PANK1: variants seen among roughly 807,000 people sequenced by gnomAD.
PANK1 encodes pantothenic acid kinase 1.
PANK1 carries 18 observed loss-of-function variants against 40.1 expected under a neutral mutation model. The ratio of observed to expected loss-of-function variants is 0.45; its 90% CI spans 0.31 to 0.67. The LOEUF (loss-of-function observed/expected upper bound fraction) is 0.67. Among genes scored for constraint, PANK1 ranks in the 30% least tolerant of loss-of-function variants. The pLI, the probability that PANK1 is intolerant of heterozygous loss-of-function variation, is 0.06. For missense variants in PANK1, 457 were observed against 599.6 expected, an observed-to-expected ratio of 0.76 and a Z score of 2.48; for synonymous variants, 242 against 237.7, an observed-to-expected ratio of 1.02 and a Z score of -0.17.
intron 1 of PANK1, among the ~76,000 whole-genome samples, chr10:89,641,877 G>C (rs1466674444): frequency 1.3e-5 from 2 of 152,176 alleles, no homozygotes; most frequent in Non-Finnish European, 2.9e-5. Context: ...AGAACTGTCA[G>C]CTCTGAAGTG....
intron 1 of PANK1, among the ~76,000 whole-genome samples, chr10:89,632,049 C>T (rs1378638871): frequency 6.7e-6 from 1 of 150,234 alleles, no homozygotes; most frequent in African/African-American, 2.4e-5. Flanking sequence ...CATATGATTT[C>T]TGAGGTCTGC....
At chr10:89,615,539 G>T (rs1259676292) in intron 1 of PANK1, among the ~76,000 whole-genome samples, 1 of 152,144 alleles carries the variant, frequency 6.6e-6, no homozygotes, top group Non-Finnish European at 1.5e-5. Flanking sequence ...TCAGCTAAAT[G>T]TTATATCATT....
intron 1 of PANK1, chr10:89,643,871 T>C (rs1199340794): frequency 1.4e-6 from 2 of 1,460,228 alleles, no homozygotes; most frequent in African/African-American, 1.4e-5. Flanking sequence ...AGCTTTAGAT[T>C]GTGAAATAAT....
At chr10:89,630,531 C>T (rs924769962) in intron 1 of PANK1, among the ~76,000 whole-genome samples, 1 of 149,912 alleles carries the variant, frequency 6.7e-6, no homozygotes. Flanking sequence ...CTCGCTCTGT[C>T]ACCCAGGCTG....
chr10:89,590,185 G>T (rs1424701004), intron 5 of PANK1, among the ~76,000 whole-genome samples: 1 of 151,788 alleles, frequency 6.6e-6, no homozygotes, highest in Non-Finnish European at 1.5e-5. Flanking sequence ...TTTATTCGGG[G>T]AAAAACATCA....
chr10:89,616,767 G>A (rs903123575), intron 1 of PANK1, among the ~76,000 whole-genome samples: 1 of 151,998 alleles, frequency 6.6e-6, no homozygotes, highest in South Asian at 2.1e-4. Flanking sequence ...CTAAAAATAC[G>A]AAAATTGGCC....
intron 5 of PANK1, chr10:89,592,802 A>G (rs763294702): frequency 3.7e-6 from 2 of 535,978 alleles, no homozygotes; most frequent in Non-Finnish European, 7.7e-6. Flanking sequence ...ACAAGGCAAC[A>G]CTGTAAAGAA....
Position 89,645,034 on chromosome 10 carries a change from C to G in PANK1, c.-143G>C. The G allele has an allele frequency of 1.9e-6, 3 of 1,565,716 alleles. No individual in the cohort carries two copies. The highest frequency in any genetic ancestry group is 2.6e-6 in the Non-Finnish European group (3 of 1,160,082). On this transcript the variant is annotated 5_prime_UTR_variant, in exon 1 of 7. Coordinates refer to ENST00000307534, the MANE Select transcript of PANK1 (RefSeq NM_148977.3). ...AGCCGGCGCCTGGGGATGGCGAACCCGGCGCTCCTCCCCTCCTCCTGCCGA... is the reference window on the plus strand; with the variant it reads ...AGCCGGCGCCTGGGGATGGCGAACCGGGCGCTCCTCCCCTCCTCCTGCCGA...
intron 1 of PANK1, among the ~76,000 whole-genome samples, chr10:89,622,009 T>C (rs1845501571): frequency 6.6e-6 from 1 of 152,220 alleles, no homozygotes; most frequent in South Asian, 2.1e-4. Flanking sequence ...CCGCTGCATC[T>C]GGCCCATTTA....
intron 1 of PANK1, among the ~76,000 whole-genome samples, chr10:89,636,143 T>C (rs1431675539): frequency 6.6e-6 from 1 of 152,140 alleles, no homozygotes; most frequent in African/African-American, 2.4e-5. Flanking sequence ...TAGGCTTTAC[T>C]AGGCATTGCT....
At chr10:89,595,355 G>A (rs1289281319) in intron 3 of PANK1, among the ~76,000 whole-genome samples, 1 of 152,142 alleles carries the variant, frequency 6.6e-6, no homozygotes, top group Non-Finnish European at 1.5e-5. Context: ...GAAAACTGAG[G>A]AAGGAGAATT....
chr10:89,635,464 C>A (rs921988059), intron 1 of PANK1, among the ~76,000 whole-genome samples: 1 of 152,078 alleles, frequency 6.6e-6, no homozygotes, highest in Admixed American at 6.6e-5. Flanking sequence ...GGATGGTGCC[C>A]TCATGACCTA....
At chr10:89,607,090 C>T (rs1844989967) in intron 2 of PANK1, among the ~76,000 whole-genome samples, 2 of 152,206 alleles carry the variant, frequency 1.3e-5, no homozygotes, top group Non-Finnish European at 2.9e-5. Context: ...GCACAAGAGG[C>T]CTAGGCTTTG....
chr10:89,590,035 G>GAAAAAAAA (rs11389233), intron 5 of PANK1, among the ~76,000 whole-genome samples: 3 of 100,364 alleles, frequency 3.0e-5, no homozygotes, highest in Non-Finnish European at 4.4e-5. Context: ...TGTTAAAAAA[G>GAAAAAAAA]AAAAAAAAAA....
At chr10:89,611,208 A>G (rs1845141692) in intron 2 of PANK1, among the ~76,000 whole-genome samples, 1 of 152,208 alleles carries the variant, frequency 6.6e-6, no homozygotes, top group South Asian at 2.1e-4. Flanking sequence ...TTGTGAGCAA[A>G]ACTTCTGAAT....
intron 3 of PANK1, among the ~76,000 whole-genome samples, chr10:89,597,567 C>G (rs1399654426): frequency 6.6e-6 from 1 of 152,204 alleles, no homozygotes; most frequent in African/African-American, 2.4e-5. Context: ...CCAAACACCA[C>G]AGTTTGCTTC....
At chr10:89,618,034 CAG>C (rs1375386760) in intron 1 of PANK1, among the ~76,000 whole-genome samples, 1 of 152,266 alleles carries the variant, frequency 6.6e-6, no homozygotes, top group African/African-American at 2.4e-5. Context: ...TAGATGCAAT[CAG>C]AGAGTCTACT....
At chr10:89,635,079 A>G (rs1841762265) in intron 1 of PANK1, among the ~76,000 whole-genome samples, 1 of 152,148 alleles carries the variant, frequency 6.6e-6, no homozygotes, top group South Asian at 2.1e-4. Context: ...TAATTAAATA[A>G]CAGCAATGAT....
intron 4 of PANK1, among the ~76,000 whole-genome samples, chr10:89,593,609 A>G (rs777786514): frequency 6.6e-6 from 1 of 152,206 alleles, no homozygotes; most frequent in Non-Finnish European, 1.5e-5. Context: ...ACCTTCTTTC[A>G]AAGTTGCCTT....
Sources: allele counts gnomAD v4.1 joint callset (sites outside exome capture counted in the v4.1 genomes callset), GRCh38; gene constraint gnomAD v4.1.1; transcripts MANE v1.5; gene names NCBI Gene and HGNC (gene_info 2026-07-23, HGNC 2026-07-21).